Variants in G3BP2 observed in about 807,000 individuals in gnomAD.
G3BP2 encodes the protein G3BP stress granule assembly factor 2.
Under a neutral mutation model 56.7 loss-of-function variants are expected in G3BP2, and 11 were observed. The observed-to-expected ratio is 0.19, with a 90% CI of 0.12 to 0.32. The LOEUF is 0.32. Among genes scored for constraint, G3BP2 ranks in the 10% least tolerant of loss-of-function variants. G3BP2 has a pLI of 1.00. For missense variants in G3BP2, 340 were observed against 610.9 expected, an observed-to-expected ratio of 0.56 and a Z score of 4.67; for synonymous variants, 165 against 191.6, an observed-to-expected ratio of 0.86 and a Z score of 1.15.
intron 3 of G3BP2, among the ~76,000 whole-genome samples, chr4:75,685,920 A>G (rs1043645910): frequency 3.3e-5 from 5 of 152,226 alleles, no homozygotes; most frequent in East Asian, 1.9e-4. Context: ...AAAAATGTCC[A>G]GTGTAACAGA....
Position 75,655,832 on chromosome 4 carries a change from G to C in G3BP2, c.481C>G (p.Gln161Glu), listed in dbSNP as rs535899085. 1.3e-6 allele frequency: 2 copies of C among 1,599,100 alleles called. No individual in the cohort carries two copies. The highest frequency in any genetic ancestry group is 2.7e-5 in the African/African-American group (2 of 74,742). ...DEVEEEQEER[Q>E]PSPEPVQENA... ...TCTTGCACAGGTTCAGGAGATGGTT[G>C]TCTTTCTTCTTGTTCCTCTTCTACT... The change falls in exon 6 of 12, where the codon CAA becomes GAA. Residue 161 changes from glutamine to glutamate, a missense_variant. This residue lies in a region of G3BP2 where 224 missense variants were observed against 332.5 expected (regional missense o/e 0.67). Transcript: ENST00000359707.
At chr4:75,691,073 G>C (rs1251294752) in intron 3 of G3BP2, among the ~76,000 whole-genome samples, 1 of 151,160 alleles carries the variant, frequency 6.6e-6, no homozygotes, top group Non-Finnish European at 1.5e-5. Context: ...TGTACATTTT[G>C]TTTCATTTAT....
chr4:75,668,435 A>G (rs1329805424), intron 1 of G3BP2, among the ~76,000 whole-genome samples: 2 of 152,234 alleles, frequency 1.3e-5, no homozygotes, highest in Admixed American at 1.3e-4. Flanking sequence ...TTTAGATGTA[A>G]TATCTAAAAT....
chr4:75,651,996 A>G (rs1387366503), intron 8 of G3BP2, among the ~76,000 whole-genome samples: 1 of 152,242 alleles, frequency 6.6e-6, no homozygotes, highest in Admixed American at 6.5e-5. Context: ...TACTACACAA[A>G]AGTAACAAAC....
chr4:75,705,203 T>A (rs1399484903), intron 3 of G3BP2, among the ~76,000 whole-genome samples: 1 of 152,056 alleles, frequency 6.6e-6, no homozygotes, highest in Non-Finnish European at 1.5e-5. Flanking sequence ...AGGGCTCAGG[T>A]CCATTAAACT....
chr4:75,701,168 T>C (rs1470089371), intron 3 of G3BP2, among the ~76,000 whole-genome samples: 1 of 152,122 alleles, frequency 6.6e-6, no homozygotes. Flanking sequence ...AACCATTTGG[T>C]TTAAATAAAA....
chr4:75,685,500 C>CAAAAAAAAAAAAAAAAAAACAAAAAAA (rs36037063), intron 3 of G3BP2, among the ~76,000 whole-genome samples: 1 of 84,684 alleles, frequency 1.2e-5, no homozygotes. Context: ...GACTCCGTCT[C>CAAAAAAAAAAAAAAAAAAACAAAAAAA]AAAAAAAAAA....
At chr4:75,702,943 C>G (rs1719404001) in intron 3 of G3BP2, among the ~76,000 whole-genome samples, 1 of 152,196 alleles carries the variant, frequency 6.6e-6, no homozygotes, top group Admixed American at 6.5e-5. Context: ...GGGCAAGGGC[C>G]ACTTGGCCAC....
intron 3 of G3BP2, among the ~76,000 whole-genome samples, chr4:75,686,701 T>C (rs930661793): frequency 6.6e-6 from 1 of 152,098 alleles, no homozygotes; most frequent in African/African-American, 2.4e-5. Context: ...AGGGGGGAAA[T>C]GGCATTTAAA....
At chr4:75,706,617 C>T (rs539398754) in intron 3 of G3BP2, among the ~76,000 whole-genome samples, 9 of 144,120 alleles carry the variant, frequency 6.2e-5, no homozygotes, top group Non-Finnish European at 8.9e-5. Context: ...GCAGAGGTTG[C>T]GGTGAGCCGA....
At chr4:75,669,520 C>T (rs896479780) in intron 1 of G3BP2, among the ~76,000 whole-genome samples, 2 of 152,180 alleles carry the variant, frequency 1.3e-5, no homozygotes, top group African/African-American at 4.8e-5. Flanking sequence ...ATCCAAACAC[C>T]TGCATTCAGT....
intron 3 of G3BP2, among the ~76,000 whole-genome samples, chr4:75,689,839 C>T (rs888176106): frequency 3.3e-5 from 5 of 152,086 alleles, no homozygotes; most frequent in South Asian, 2.1e-4. Context: ...GAGTAAAAGA[C>T]GCCAGACACA....
rs1732985838 is a variant in G3BP2 at position 75,665,690 on chromosome 4, AG to A, written c.-24-3642del. On this transcript the variant is annotated intron_variant, in intron 1 of 11. Transcript: ENST00000359707. ...ACACACACACACACACACACAGCTA[AG>A]CAACTAACATTTTTATTTTGAATAA... 2.6e-5 allele frequency among the ~76,000 whole-genome samples: 4 copies of A among 151,876 alleles called. 1 individual carries two copies. The South Asian group carries it at 8.3e-4, about 32-fold the overall frequency.
rs1291762149 is a variant in G3BP2, at chr4:75,655,146, TCTC to T, written c.643_645del (p.Glu215del). 6.2e-7 allele frequency: 1 copy of T among 1,613,282 alleles called. No homozygotes were observed. The highest frequency in any genetic ancestry group is 8.5e-7 in the Non-Finnish European group (1 of 1,179,240). ...TTCTCCTCTAGTTCTTCTAAGTTCT[TCTC>T]CTCCACTTGTGGTTTCAGCTCTTCA... On this transcript the variant is annotated inframe_deletion, in exon 7 of 12. Coordinates refer to ENST00000359707, the MANE Select transcript of G3BP2 (RefSeq NM_203505.3).
At chr4:75,711,870 G>T (rs1719772691) in intron 3 of G3BP2, among the ~76,000 whole-genome samples, 1 of 152,156 alleles carries the variant, frequency 6.6e-6, no homozygotes, top group Admixed American at 6.5e-5. Context: ...TAGTAGTTTT[G>T]TTGGGGTTCC....
chr4:75,720,329 C>T (rs1484981120), intron 3 of G3BP2, among the ~76,000 whole-genome samples: 2 of 150,370 alleles, frequency 1.3e-5, no homozygotes, highest in Non-Finnish European at 1.5e-5. Flanking sequence ...GGAGAAACTC[C>T]GTCTCTACCA....
At chr4:75,723,009 T>G (rs1047284030) in intron 1 of G3BP2, among the ~76,000 whole-genome samples, 3 of 152,246 alleles carry the variant, frequency 2.0e-5, no homozygotes, top group Admixed American at 6.5e-5. Context: ...ATTTATTCAA[T>G]GTACACCATA....
intron 1 of G3BP2, among the ~76,000 whole-genome samples, chr4:75,668,765 T>C (rs969208760): frequency 6.6e-6 from 1 of 152,210 alleles, no homozygotes; most frequent in African/African-American, 2.4e-5. Flanking sequence ...TATGCATTTA[T>C]CTGGGCCCAG....
intron 3 of G3BP2, among the ~76,000 whole-genome samples, chr4:75,704,270 G>C (rs1310498382): frequency 1.3e-5 from 2 of 151,920 alleles, no homozygotes; most frequent in East Asian, 1.9e-4. Flanking sequence ...GCCCACCTCA[G>C]CCTCCCAAAG....
Sources: allele counts gnomAD v4.1 joint callset (sites outside exome capture counted in the v4.1 genomes callset), GRCh38; gene constraint gnomAD v4.1.1; regional missense constraint gnomAD v4.1.1; transcripts MANE v1.5; gene names NCBI Gene and HGNC (gene_info 2026-07-23, HGNC 2026-07-21).